Variants in CD226 observed in about 807,000 individuals in gnomAD.
CD226 encodes CD226 antigen.
In CD226, 24 loss-of-function variants were observed where a neutral mutation model predicts 34.9. That is an observed-to-expected ratio of 0.69 (90% CI 0.50 to 0.97). CD226 has a LOEUF of 0.97. CD226 is among the 50% of genes least tolerant of loss of function. The probability of loss-of-function intolerance (pLI) is 0.00; values close to 1 mark genes in which losing one functional copy is unlikely to be tolerated. For missense variants in CD226, 397 were observed against 412.7 expected, an observed-to-expected ratio of 0.96 and a Z score of 0.33; for synonymous variants, 148 against 147.4, an observed-to-expected ratio of 1.00 and a Z score of -0.03.
At chr18:69,927,403 C>T (rs1222936191) in intron 2 of CD226, among the ~76,000 whole-genome samples, 1 of 151,988 alleles carries the variant, frequency 6.6e-6, no homozygotes, top group Non-Finnish European at 1.5e-5. Context: ...CACACACACA[C>T]ACATATACCA....
chr18:69,958,536 A>G (rs1280146861), upstream of CD226, among the ~76,000 whole-genome samples: 1 of 152,092 alleles, frequency 6.6e-6, no homozygotes, highest in Admixed American at 6.5e-5. Context: ...CTCTTCCTCA[A>G]AATTATTCAG....
intron 2 of CD226, among the ~76,000 whole-genome samples, chr18:69,914,848 T>C (rs996350613): frequency 3.9e-5 from 6 of 152,296 alleles, no homozygotes; most frequent in South Asian, 2.1e-4. Flanking sequence ...TGAAAGTAAA[T>C]TGGCACAAGA....
At chr18:69,907,272 G>C (rs1433437127) in intron 2 of CD226, among the ~76,000 whole-genome samples, 1 of 152,170 alleles carries the variant, frequency 6.6e-6, no homozygotes, top group Non-Finnish European at 1.5e-5. Flanking sequence ...TTGGAGCCTA[G>C]AATCTAAATT....
chr18:69,877,364 C>A (rs1983940740), intron 3 of CD226, among the ~76,000 whole-genome samples: 1 of 152,176 alleles, frequency 6.6e-6, no homozygotes, highest in Admixed American at 6.5e-5. Flanking sequence ...AGTTCCCATG[C>A]CCTCCCTGTC....
upstream of CD226, among the ~76,000 whole-genome samples, chr18:69,950,123 C>T (rs2055837719): frequency 6.8e-6 from 1 of 147,986 alleles, no homozygotes; most frequent in Non-Finnish European, 1.5e-5. Flanking sequence ...CTCACATATG[C>T]ACACACAATC....
At chr18:69,878,347 A>G (rs1984007558) in intron 3 of CD226, among the ~76,000 whole-genome samples, 1 of 152,218 alleles carries the variant, frequency 6.6e-6, no homozygotes, top group African/African-American at 2.4e-5. Flanking sequence ...AGTGAAATAT[A>G]TAAAAGAATA....
At chr18:69,915,844 T>G (rs1482912707) in intron 2 of CD226, among the ~76,000 whole-genome samples, 1 of 152,154 alleles carries the variant, frequency 6.6e-6, no homozygotes. Flanking sequence ...ATTACATTTT[T>G]CACATTTATA....
intron 5 of CD226, among the ~76,000 whole-genome samples, chr18:69,865,056 A>G (rs1788105): frequency 0.47 from 71,542 of 151,950 alleles, 17,827 homozygotes; most frequent in East Asian, 0.64. Context: ...GCAGTGGCGC[A>G]ATCTAGGCTC....
chr18:69,929,146 AG>A lies in CD226; in HGVS notation c.382+17587del, dbSNP rs545822590. Among the ~76,000 whole-genome samples, 12 of 152,368 alleles carry A rather than the reference AG, an allele frequency of 7.9e-5. No homozygotes were observed. The East Asian group carries it at 2.1e-3, about 27-fold the overall frequency. ...ATTTACAAAAAGGTTGCTGCTACCC[AG>A]CCTAGAAAATGCTGCCAAGCAGAAA... On this transcript the variant is annotated intron_variant, in intron 2 of 5. Transcript: ENST00000582621.
chr18:69,911,139 C>T (rs2055319338), intron 2 of CD226, among the ~76,000 whole-genome samples: 1 of 152,200 alleles, frequency 6.6e-6, no homozygotes, highest in Admixed American at 6.5e-5. Context: ...GTATAAATTT[C>T]TCTGTCTTCC....
chr18:69,883,434 G>A (rs887173818), intron 3 of CD226, among the ~76,000 whole-genome samples: 6 of 152,056 alleles, frequency 3.9e-5, no homozygotes, highest in African/African-American at 7.2e-5. Flanking sequence ...AATTTAAAGC[G>A]GGGATTAACC....
Position 69,947,449 on chromosome 18 carries a change from AT to A in CD226, c.-44del. The A allele has an allele frequency of 7.2e-7, 1 of 1,392,180 alleles. No individual in the cohort carries two copies. Among genetic ancestry groups the A allele is most frequent in the Non-Finnish European group, 9.9e-7 (1 of 1,008,610 alleles). The allele number at this position is 1,392,180 out of a possible 1,614,324, so 86.2% of individuals were successfully genotyped here. ...AAGGCTGGTTCTATTAAAAAAAAAA[AT>A]TGCTTTTTATAATGTGACATGCAGA... On this transcript the variant is annotated 5_prime_UTR_variant, in exon 1 of 6. An upstream open reading frame in the 5' UTR gains an earlier in-frame stop. Coordinates refer to ENST00000582621, the MANE Select transcript of CD226 (RefSeq NM_001303618.2).
At chr18:69,911,646 G>A (rs2055326726) in intron 2 of CD226, among the ~76,000 whole-genome samples, 1 of 152,088 alleles carries the variant, frequency 6.6e-6, no homozygotes, top group Non-Finnish European at 1.5e-5. Context: ...CTCAAAATGA[G>A]GCCAGAATTC....
chr18:69,878,986 A>G (rs1443047086), intron 3 of CD226, among the ~76,000 whole-genome samples: 3 of 152,136 alleles, frequency 2.0e-5, no homozygotes, highest in Admixed American at 2.0e-4. Flanking sequence ...GAGACATCAC[A>G]TGTTGGCAGG....
At chr18:69,898,926 C>T (rs373998151) in intron 2 of CD226, among the ~76,000 whole-genome samples, 1 of 151,854 alleles carries the variant, frequency 6.6e-6, no homozygotes. Context: ...ACCAAAATGT[C>T]GTAGTTAATT....
At chr18:69,864,922 G>A (rs1171455622) in intron 5 of CD226, among the ~76,000 whole-genome samples, 1 of 152,130 alleles carries the variant, frequency 6.6e-6, no homozygotes, top group Non-Finnish European at 1.5e-5. Flanking sequence ...AAAAAAGAAA[G>A]ACAAATTAAG....
chr18:69,897,954 C>T (rs78186237), intron 2 of CD226, among the ~76,000 whole-genome samples: 159 of 151,986 alleles, frequency 1.0e-3, no homozygotes, highest in South Asian at 8.5e-3. Flanking sequence ...ACTTTACCCA[C>T]ATAACACACA....
intron 2 of CD226, among the ~76,000 whole-genome samples, chr18:69,900,525 G>T (rs1043926372): frequency 6.6e-6 from 1 of 151,850 alleles, no homozygotes; most frequent in Non-Finnish European, 1.5e-5. Flanking sequence ...GAGGTCAGGA[G>T]ATCGAGACCA....
At chr18:69,921,225 C>G (rs1452212313) in intron 2 of CD226, among the ~76,000 whole-genome samples, 1 of 152,110 alleles carries the variant, frequency 6.6e-6, no homozygotes, top group Non-Finnish European at 1.5e-5. Flanking sequence ...CTACATCTGT[C>G]CATGCCCCAC....
Sources: allele counts gnomAD v4.1 joint callset (sites outside exome capture counted in the v4.1 genomes callset), GRCh38; gene constraint gnomAD v4.1.1; transcripts MANE v1.5; gene names NCBI Gene and HGNC (gene_info 2026-07-23, HGNC 2026-07-21).